The following MAP3K7CL variants were observed in gnomAD, a reference collection of about 807,000 sequenced individuals.
The protein encoded by MAP3K7CL is MAP3K7 C-terminal-like protein.
Under a neutral mutation model 18.6 loss-of-function variants are expected in MAP3K7CL, and 16 were observed. The observed-to-expected ratio is 0.86, with a 90% CI of 0.58 to 1.31. MAP3K7CL has a LOEUF of 1.31. Among genes scored for constraint, MAP3K7CL ranks in the 50% most tolerant of loss-of-function variants. The pLI, the probability that MAP3K7CL is intolerant of heterozygous loss-of-function variation, is 0.00. For missense variants in MAP3K7CL, 163 were observed against 174.4 expected, an observed-to-expected ratio of 0.93 and a Z score of 0.37; for synonymous variants, 65 against 66.8, an observed-to-expected ratio of 0.97 and a Z score of 0.13.
chr21:29,125,922 G>A (rs145910031), upstream of MAP3K7CL, among the ~76,000 whole-genome samples: 208 of 152,272 alleles, frequency 1.4e-3, 3 homozygotes, highest in East Asian at 0.033. Flanking sequence ...TGAACCAATT[G>A]GAAGAGGTGT....
At chr21:29,087,341 T>G (rs1190461688) in intron 1 of MAP3K7CL, among the ~76,000 whole-genome samples, 2 of 152,194 alleles carry the variant, frequency 1.3e-5, no homozygotes, top group African/African-American at 2.4e-5. Flanking sequence ...TAATTAATTT[T>G]AAAAACTCTC....
intron 3 of MAP3K7CL, among the ~76,000 whole-genome samples, chr21:29,155,460 G>A (rs978893012): frequency 1.3e-5 from 2 of 152,118 alleles, no homozygotes; most frequent in Non-Finnish European, 1.5e-5. Context: ...CCTAGCTGAG[G>A]GTGGCTTGGC....
At chr21:29,117,129 T>G (rs1385504359) in intron 4 of MAP3K7CL, among the ~76,000 whole-genome samples, 1 of 152,030 alleles carries the variant, frequency 6.6e-6, no homozygotes, top group African/African-American at 2.4e-5. Context: ...TTTGACATAA[T>G]TTAATTTAAT....
chr21:29,164,456 G>T (rs1025071567), intron 4 of MAP3K7CL, among the ~76,000 whole-genome samples: 1 of 152,212 alleles, frequency 6.6e-6, no homozygotes, highest in Non-Finnish European at 1.5e-5. Flanking sequence ...TATTTTAAAA[G>T]ACAGTTTTTC....
chr21:29,119,525 G>A (rs2086557702), intron 4 of MAP3K7CL, among the ~76,000 whole-genome samples: 1 of 152,128 alleles, frequency 6.6e-6, no homozygotes, highest in Admixed American at 6.5e-5. Flanking sequence ...TCGTCCTGAA[G>A]GGCCATTTTA....
chr21:29,147,131 AATTAT>A (rs1342990109), intron 2 of MAP3K7CL, among the ~76,000 whole-genome samples: 4 of 152,130 alleles, frequency 2.6e-5, no homozygotes, highest in African/African-American at 4.8e-5. Context: ...TTGGTTTTTA[AATTAT>A]TTTTTCACCT....
At chr21:29,137,212 A>C (rs574359452) in intron 2 of MAP3K7CL, among the ~76,000 whole-genome samples, 8 of 152,328 alleles carry the variant, frequency 5.3e-5, no homozygotes, top group African/African-American at 1.9e-4. Context: ...GTCAAGGTAG[A>C]TTTTATAGCA....
At chr21:29,150,539 G>A (rs959096521) in intron 3 of MAP3K7CL, among the ~76,000 whole-genome samples, 2 of 152,038 alleles carry the variant, frequency 1.3e-5, no homozygotes, top group Non-Finnish European at 2.9e-5. Flanking sequence ...GAGGTCGGAG[G>A]GTTACACTGA....
upstream of MAP3K7CL, among the ~76,000 whole-genome samples, chr21:29,082,825 C>A (rs1272063044): frequency 1.3e-5 from 2 of 152,170 alleles, no homozygotes; most frequent in Non-Finnish European, 1.5e-5. Context: ...TGGTGTTCAA[C>A]AACTTCATTC....
intron 4 of MAP3K7CL, among the ~76,000 whole-genome samples, chr21:29,104,774 T>C (rs919130437): frequency 2.6e-5 from 4 of 152,210 alleles, no homozygotes; most frequent in Admixed American, 2.6e-4. Flanking sequence ...CCACAGCGTG[T>C]CCTTCGGCTA....
chr21:29,162,017 T>A (rs1376217073), intron 4 of MAP3K7CL, among the ~76,000 whole-genome samples: 2 of 152,198 alleles, frequency 1.3e-5, no homozygotes, highest in Non-Finnish European at 2.9e-5. Flanking sequence ...GACTATTTTC[T>A]TTTTGTTCTA....
At chr21:29,109,803 G>T in intron 4 of MAP3K7CL, 3 of 984,664 alleles carry the variant, frequency 3.0e-6, no homozygotes, top group Non-Finnish European at 3.6e-6. Context: ...CTTACGTTCT[G>T]CTGCTGCTTC....
chr21:29,167,080 T>A (rs1054669367), intron 4 of MAP3K7CL, among the ~76,000 whole-genome samples: 3 of 152,260 alleles, frequency 2.0e-5, no homozygotes, highest in Non-Finnish European at 4.4e-5. Flanking sequence ...GCCTTTTAGA[T>A]TCTAGCCATC....
chr21:29,085,984 CAG>C (rs1290833000), intron 1 of MAP3K7CL: 4 of 1,553,526 alleles, frequency 2.6e-6, no homozygotes, highest in East Asian at 2.2e-5. Flanking sequence ...TCAGTGAAAA[CAG>C]GGTGGGAAAA....
chr21:29,131,624 T>G (rs1481262625), intron 1 of MAP3K7CL: 1 of 152,232 alleles, frequency 6.6e-6, no homozygotes, highest in Non-Finnish European at 1.5e-5. Flanking sequence ...AATTACATGA[T>G]ATGGACAGTG....
At chr21:29,133,224 C>G in intron 1 of MAP3K7CL, 82 bp from the exon 2 acceptor site, 1 of 971,748 alleles carries the variant, frequency 1.0e-6, no homozygotes. Context: ...TTAATAACTT[C>G]ACCTGTAATT....
intron 3 of MAP3K7CL, among the ~76,000 whole-genome samples, chr21:29,154,337 A>T (rs865918372): frequency 6.6e-6 from 1 of 152,204 alleles, no homozygotes; most frequent in Non-Finnish European, 1.5e-5. Context: ...TAGGGATAGA[A>T]GTTCTGATGC....
At position 29,109,170 on chromosome 21, in the gene MAP3K7CL, A is replaced by G. The variant is rs932852513; in HGVS notation, c.370+16589A>G. On this transcript the variant is annotated intron_variant, in intron 4 of 6. Transcript: ENST00000286791. ...CCTCTTCCCTAACGCCCTTTCCACC[A>G]GTGCGGACTGCAGGTATGGACATAG... is the stretch of plus-strand genomic sequence containing the variant. 6.5e-6 allele frequency: 10 copies of G among 1,535,314 alleles called. No individual in the cohort carries two copies. In the Admixed American group the frequency reaches 1.2e-4, roughly 18 times the overall value.
chr21:29,092,495 T>TGC lies in MAP3K7CL; in HGVS notation c.284_285insGC (p.Ser96ProfsTer13). Reference sequence around the variant, plus strand: ...GCCATGTTGGAGGACAATCCAAAGGTCAGCAAGTTGGCTACTGGCGATTGG... The same window carrying TGC: ...GCCATGTTGGAGGACAATCCAAAGGTGCCAGCAAGTTGGCTACTGGCGATTGG... On this transcript the variant is annotated frameshift_variant, in exon 4 of 7. Transcript: ENST00000286791. LOFTEE classifies it high-confidence loss of function. 6.2e-7 allele frequency: 1 copy of TGC among 1,614,206 alleles called. No individual in the cohort carries two copies. The highest frequency in any genetic ancestry group is 8.5e-7 in the Non-Finnish European group (1 of 1,180,036).
Sources: allele counts gnomAD v4.1 joint callset (sites outside exome capture counted in the v4.1 genomes callset), GRCh38; gene constraint gnomAD v4.1.1; transcripts MANE v1.5; gene names NCBI Gene and HGNC (gene_info 2026-07-23, HGNC 2026-07-21).